Variants in ANKRD44 observed in about 807,000 individuals in gnomAD.
The protein encoded by ANKRD44 is serine/threonine-protein phosphatase 6 regulatory ankyrin repeat subunit B.
ANKRD44 carries 35 observed loss-of-function variants against 116.0 expected under a neutral mutation model. The ratio of observed to expected loss-of-function variants is 0.30; its 90% CI spans 0.23 to 0.40. The LOEUF (loss-of-function observed/expected upper bound fraction) is 0.40. Ranked by LOEUF, ANKRD44 falls within the 10% of genes least tolerant of loss-of-function variation. The pLI is 1.00. For synonymous variants in ANKRD44, 435 were observed against 461.8 expected, an observed-to-expected ratio of 0.94 and a Z score of 0.74; for missense variants, 1,014 against 1,242.6, an observed-to-expected ratio of 0.82 and a Z score of 2.77.
rs751619923 is a variant in ANKRD44 at position 196,988,418 on chromosome 2, A to C, written c.*1173T>G. ...AAAAGGACAGAAGGTGGGAAGCACA[A>C]CACCAAGAATTCAAAAAAACAATGG... On this transcript the variant is annotated 3_prime_UTR_variant, in exon 28 of 28. Coordinates refer to ENST00000282272, the MANE Select transcript of ANKRD44 (RefSeq NM_001195144.2). The C allele has an allele frequency of 1.0e-5, 10 of 985,334 alleles. No individual in the cohort carries two copies. The East Asian group carries it at 3.4e-4, about 33-fold the overall frequency. The allele number at this position is 985,334 out of a possible 1,614,324, so 61.0% of individuals were successfully genotyped here. A position where few individuals can be genotyped will look rare whatever the true frequency, so the allele number is the denominator to read the frequency against.
chr2:197,087,310 A>C (rs2077948266), intron 12 of ANKRD44, among the ~76,000 whole-genome samples: 2 of 152,248 alleles, frequency 1.3e-5, no homozygotes, highest in South Asian at 4.1e-4. Flanking sequence ...GTCATGGAGC[A>C]CAGTGATCTT....
intron 16 of ANKRD44, among the ~76,000 whole-genome samples, chr2:197,068,409 T>TAAA (rs71012947): frequency 5.3e-5 from 7 of 132,000 alleles, no homozygotes; most frequent in Non-Finnish European, 7.8e-5. Context: ...AAAAATAAAA[T>TAAA]AAAAAAAAAT....
At chr2:197,245,210 A>G (rs747683056) in intron 1 of ANKRD44, among the ~76,000 whole-genome samples, 4 of 152,218 alleles carry the variant, frequency 2.6e-5, no homozygotes, top group Non-Finnish European at 4.4e-5. Flanking sequence ...CAGTGAGCCG[A>G]GATTGTGCCA....
At chr2:197,216,023 A>G (rs1339816610) in intron 1 of ANKRD44, among the ~76,000 whole-genome samples, 2 of 152,186 alleles carry the variant, frequency 1.3e-5, no homozygotes, top group Non-Finnish European at 2.9e-5. Flanking sequence ...TTTAAAGTCA[A>G]ACCAATCGGG....
chr2:197,112,141 TAG>T (rs775226792), intron 8 of ANKRD44, among the ~76,000 whole-genome samples: 1 of 152,154 alleles, frequency 6.6e-6, no homozygotes, highest in Non-Finnish European at 1.5e-5. Flanking sequence ...GTATCCCCAA[TAG>T]AGAGAATGTA....
At chr2:197,289,560 T>A (rs1174480291) in intron 1 of ANKRD44, among the ~76,000 whole-genome samples, 1 of 152,236 alleles carries the variant, frequency 6.6e-6, no homozygotes, top group Non-Finnish European at 1.5e-5. Context: ...TTTATCTCCT[T>A]ATACACAAAA....
intron 17 of ANKRD44, among the ~76,000 whole-genome samples, chr2:197,014,284 A>G (rs2076348555): frequency 6.6e-6 from 1 of 152,236 alleles, no homozygotes. Context: ...GTATAAGATG[A>G]GAGCAATCAA....
chr2:197,267,330 TC>T (rs1291987021), intron 1 of ANKRD44, among the ~76,000 whole-genome samples: 1 of 152,248 alleles, frequency 6.6e-6, no homozygotes, highest in Non-Finnish European at 1.5e-5. Context: ...TTATCATTTT[TC>T]CCATCCTCCT....
At chr2:197,278,230 G>T (rs942555277) in intron 1 of ANKRD44, among the ~76,000 whole-genome samples, 5 of 152,056 alleles carry the variant, frequency 3.3e-5, no homozygotes, top group Non-Finnish European at 5.9e-5. Context: ...AAATTGCAAA[G>T]TGCTAAGCTT....
chr2:197,253,792 T>G (rs537889582), intron 1 of ANKRD44, among the ~76,000 whole-genome samples: 1 of 152,312 alleles, frequency 6.6e-6, no homozygotes, highest in Non-Finnish European at 1.5e-5. Context: ...AGTCATACTA[T>G]GTGAAGTGGG....
At chr2:197,192,196 T>C (rs1394556612) in intron 1 of ANKRD44, among the ~76,000 whole-genome samples, 1 of 152,202 alleles carries the variant, frequency 6.6e-6, no homozygotes, top group African/African-American at 2.4e-5. Context: ...TGCTCTGTAC[T>C]AATGAATTGG....
chr2:197,034,083 A>AGAGAGAGAGAGAGAGAGC (rs1410716481), intron 16 of ANKRD44, among the ~76,000 whole-genome samples: 8 of 151,850 alleles, frequency 5.3e-5, no homozygotes, highest in East Asian at 1.9e-4. Flanking sequence ...AGAGAGAGAG[A>AGAGAGAGAGAGAGAGAGC]GAGCTCATAC....
At chr2:197,217,202 T>G (rs1390016118) in intron 1 of ANKRD44, among the ~76,000 whole-genome samples, 1 of 152,226 alleles carries the variant, frequency 6.6e-6, no homozygotes, top group Non-Finnish European at 1.5e-5. Flanking sequence ...AATTGTCTCC[T>G]ATTTACTGAT....
chr2:197,223,375 T>G (rs1425439933), intron 1 of ANKRD44, among the ~76,000 whole-genome samples: 1 of 152,236 alleles, frequency 6.6e-6, no homozygotes, highest in Non-Finnish European at 1.5e-5. Context: ...TTTAAAGGTT[T>G]ACATAAATGG....
chr2:197,111,749 A>G (rs2078572855), intron 8 of ANKRD44, among the ~76,000 whole-genome samples: 1 of 151,960 alleles, frequency 6.6e-6, no homozygotes, highest in Non-Finnish European at 1.5e-5. Context: ...AAAAAGAAAA[A>G]ATTTAAACAA....
chr2:197,251,511 CT>C (rs567587452), intron 1 of ANKRD44, among the ~76,000 whole-genome samples: 92 of 152,310 alleles, frequency 6.0e-4, no homozygotes, highest in African/African-American at 2.2e-3. Flanking sequence ...ATCACATCAG[CT>C]TTGTTTTATT....
At chr2:197,151,446 A>G (rs1465636982) in intron 2 of ANKRD44, among the ~76,000 whole-genome samples, 1 of 152,232 alleles carries the variant, frequency 6.6e-6, no homozygotes, top group Non-Finnish European at 1.5e-5. Context: ...TATTTTTGAA[A>G]AACAAACAAA....
chr2:197,063,696 A>G (rs979238552), intron 16 of ANKRD44, among the ~76,000 whole-genome samples: 3 of 152,350 alleles, frequency 2.0e-5, no homozygotes, highest in South Asian at 2.1e-4. Context: ...TGGAAGAAAC[A>G]GTATCAGCGA....
chr2:197,114,247 T>C (rs1194498757), intron 8 of ANKRD44, among the ~76,000 whole-genome samples: 2 of 152,188 alleles, frequency 1.3e-5, no homozygotes, highest in African/African-American at 4.8e-5. Flanking sequence ...CTTCCATCTA[T>C]TCAAAGCTTT....
Sources: allele counts gnomAD v4.1 joint callset (sites outside exome capture counted in the v4.1 genomes callset), GRCh38; gene constraint gnomAD v4.1.1; transcripts MANE v1.5; gene names NCBI Gene and HGNC (gene_info 2026-07-23, HGNC 2026-07-21).